Variants in S100P observed in about 807,000 individuals in gnomAD.
S100P encodes the protein S100 calcium binding protein P.
S100P carries 7 observed loss-of-function variants against 4.7 expected under a neutral mutation model. That is an observed-to-expected ratio of 1.48 (90% confidence interval 0.84 to 2.77). The LOEUF is 2.77. S100P is among the 30% of genes most tolerant of loss of function. The probability of loss-of-function intolerance (pLI) is 0.00; values close to 1 mark genes in which losing one functional copy is unlikely to be tolerated. For missense variants in S100P, 122 were observed against 120.6 expected, an observed-to-expected ratio of 1.01 and a Z score of -0.06; for synonymous variants, 48 against 49.0, an observed-to-expected ratio of 0.98 and a Z score of 0.08.
intron 1 of S100P, among the ~76,000 whole-genome samples, chr4:6,696,229 G>A (rs185698003): frequency 6.6e-6 from 1 of 152,314 alleles, no homozygotes; most frequent in Admixed American, 6.5e-5. Context: ...GGCAGGCTCT[G>A]AGAGCCCTGC....
At chr4:6,694,300 T>C (rs1714316902) in intron 1 of S100P, among the ~76,000 whole-genome samples, 1 of 152,210 alleles carries the variant, frequency 6.6e-6, no homozygotes, top group East Asian at 1.9e-4. Context: ...AGCTTGATCC[T>C]TGAAACATGG....
At position 6,693,926 on chromosome 4, in the gene S100P, T is replaced by G; in HGVS notation, c.-7T>G. On this transcript the variant is annotated 5_prime_UTR_variant, in exon 1 of 2. Coordinates refer to ENST00000296370, the MANE Select transcript of S100P (RefSeq NM_005980.3). ...CCCAGGAGGAAGGTGGGTCTGAATCTAGCACCATGACGGAACTAGAGACAG... is the reference window on the plus strand; with the variant it reads ...CCCAGGAGGAAGGTGGGTCTGAATCGAGCACCATGACGGAACTAGAGACAG... The G allele has an allele frequency of 6.2e-7, 1 of 1,614,124 alleles. No homozygotes were observed. Among genetic ancestry groups the G allele is most frequent in the Non-Finnish European group, 8.5e-7 (1 of 1,180,006 alleles).
intron 1 of S100P, among the ~76,000 whole-genome samples, chr4:6,695,434 T>C (rs1350642465): frequency 6.6e-6 from 1 of 152,214 alleles, no homozygotes; most frequent in Non-Finnish European, 1.5e-5. Context: ...TTGCTGTGAG[T>C]GAGATTTACA....
chr4:6,697,149 T>C lies in S100P; in HGVS notation c.*107T>C. On this transcript the variant is annotated 3_prime_UTR_variant, in exon 2 of 2. Coordinates refer to ENST00000296370, the MANE Select transcript of S100P (RefSeq NM_005980.3). ...GCTGAGCCTGCTCATGTACCTCTGA[T>C]TAATAAATGCTTATGAAATGATCCT... 1 of 845,146 alleles carries C rather than the reference T, an allele frequency of 1.2e-6. No homozygotes were observed. Among genetic ancestry groups the C allele is most frequent in the South Asian group, 1.8e-5 (1 of 56,636 alleles). The allele number at this position is 845,146 out of a possible 1,614,324, so 52.4% of individuals were successfully genotyped here. A position where few individuals can be genotyped will look rare whatever the true frequency, so the allele number is the denominator to read the frequency against.
At position 6,693,890 on chromosome 4, in the gene S100P, C is replaced by T; in HGVS notation, c.-43C>T. ...GGCTGCCAGTGGGACATTTTCTCGG[C>T]CCTGCCAGCCCCCAGGAGGAAGGTG... On this transcript the variant is annotated 5_prime_UTR_variant, in exon 1 of 2. Coordinates refer to ENST00000296370, the MANE Select transcript of S100P (RefSeq NM_005980.3). 6.2e-7 allele frequency: 1 copy of T among 1,613,286 alleles called. No homozygotes were observed. Among genetic ancestry groups the T allele is most frequent in the East Asian group, 2.2e-5 (1 of 44,876 alleles).
chr4:6,693,899 C>G lies in S100P; in HGVS notation c.-34C>G. 6.2e-7 allele frequency: 1 copy of G among 1,613,442 alleles called. No individual in the cohort carries two copies. The highest frequency in any genetic ancestry group is 1.3e-5 in the African/African-American group (1 of 75,046). ...TGGGACATTTTCTCGGCCCTGCCAGCCCCCAGGAGGAAGGTGGGTCTGAAT... is the reference window on the plus strand; with the variant it reads ...TGGGACATTTTCTCGGCCCTGCCAGGCCCCAGGAGGAAGGTGGGTCTGAAT... On this transcript the variant is annotated 5_prime_UTR_variant, in exon 1 of 2. Transcript: ENST00000296370.
At chr4:6,694,511 T>C (rs1714321247) in intron 1 of S100P, among the ~76,000 whole-genome samples, 1 of 152,188 alleles carries the variant, frequency 6.6e-6, no homozygotes. Flanking sequence ...CCGCTTTCCC[T>C]GCTCCCATTC....
In S100P at chr4:6,694,064, C is replaced by T. The variant is rs1457557027; in HGVS notation, c.132C>T (p.Phe44=). ...TGATGGAGAAGGAGCTACCAGGCTT[C>T]CTGCAGGTGAGCCAGGCCGGCAGTG... ...KVLMEKELPG[F]LQSGKDKDAV... Residue 44 remains phenylalanine, a synonymous_variant, in exon 1 of 2, where the codon TTC becomes TTT. Coordinates refer to ENST00000296370, the MANE Select transcript of S100P (RefSeq NM_005980.3). The T allele has an allele frequency of 6.2e-7, 1 of 1,609,860 alleles. No individual in the cohort carries two copies. Among genetic ancestry groups the T allele is most frequent in the Non-Finnish European group, 8.5e-7 (1 of 1,177,784 alleles).
Position 6,697,002 on chromosome 4 carries a change from C to T in S100P, c.248C>T (p.Ser83Phe). 1 of 1,613,930 alleles carries T rather than the reference C, an allele frequency of 6.2e-7. No homozygotes were observed. The highest frequency in any genetic ancestry group is 8.5e-7 in the Non-Finnish European group (1 of 1,179,818). Reference sequence around the variant, plus strand: ...ATAGTGTTCGTGGCTGCAATCACGTCTGCCTGTCACAAGTACTTTGAGAAG... The same window carrying T: ...ATAGTGTTCGTGGCTGCAATCACGTTTGCCTGTCACAAGTACTTTGAGAAG... ...EFIVFVAAIT[S>F]ACHKYFEKAG... Residue 83 changes from serine to phenylalanine, a missense_variant, in exon 2 of 2, where the codon TCT becomes TTT. Transcript: ENST00000296370.
chr4:6,695,705 A>G (rs1057290353), intron 1 of S100P, among the ~76,000 whole-genome samples: 6 of 152,198 alleles, frequency 3.9e-5, no homozygotes, highest in African/African-American at 1.4e-4. Flanking sequence ...TTACATTAGA[A>G]TCACCTCGGG....
chr4:6,694,219 C>T (rs1338982848), intron 1 of S100P, 149 bp downstream of exon 1: 3 of 778,450 alleles, frequency 3.9e-6, no homozygotes, highest in Middle Eastern at 7.6e-4. Context: ...GGAAGCCCAG[C>T]CAAGGAACGG....
At chr4:6,696,690 G>C (rs1714379602) in intron 1 of S100P, among the ~76,000 whole-genome samples, 2 of 152,248 alleles carry the variant, frequency 1.3e-5, no homozygotes, top group African/African-American at 2.4e-5. Flanking sequence ...GTTAGTTCAT[G>C]TCATGCCAGA....
At chr4:6,694,156 G>T in intron 1 of S100P, 86 bp downstream of exon 1, 1 of 1,348,810 alleles carries the variant, frequency 7.4e-7, no homozygotes, top group East Asian at 2.5e-5. Context: ...AGCTGCGGTG[G>T]GGTCGGCGGT....
chr4:6,696,876 G>A lies in S100P; in HGVS notation c.139-17G>A, dbSNP rs369372819. Reference sequence around the variant, plus strand: ...CAGGCACCCTCACTGCTGACCTTGAGCCTCTCTCTCCTCTAGAGTGGAAAA... The same window carrying A: ...CAGGCACCCTCACTGCTGACCTTGAACCTCTCTCTCCTCTAGAGTGGAAAA... On this transcript the variant is annotated splice_polypyrimidine_tract_variant and intron_variant, in intron 1 of 1. Transcript: ENST00000296370. The A allele has an allele frequency of 2.5e-5, 40 of 1,607,578 alleles. No individual in the cohort carries two copies. In the African/African-American group the frequency reaches 4.8e-4, roughly 19 times the overall value.
chr4:6,696,090 TG>T (rs1714366832), intron 1 of S100P, among the ~76,000 whole-genome samples: 1 of 152,228 alleles, frequency 6.6e-6, no homozygotes, highest in African/African-American at 2.4e-5. Flanking sequence ...ATTTTAATTG[TG>T]TTTCTTTCCA....
intron 1 of S100P, 35 bp downstream of exon 1, chr4:6,694,105 G>A (rs768183843): frequency 6.4e-7 from 1 of 1,571,276 alleles, no homozygotes; most frequent in South Asian, 1.2e-5. Context: ...CTCAGCGGGG[G>A]CTGGGGAAGA....
chr4:6,695,369 C>T (rs1161437510), intron 1 of S100P, among the ~76,000 whole-genome samples: 3 of 152,140 alleles, frequency 2.0e-5, no homozygotes, highest in Admixed American at 2.0e-4. Flanking sequence ...GGGAAGAAAT[C>T]CCCCCTGGAA....
chr4:6,694,540 G>C (rs1220828071), intron 1 of S100P, among the ~76,000 whole-genome samples: 1 of 152,170 alleles, frequency 6.6e-6, no homozygotes. Flanking sequence ...CTTGTTGCCT[G>C]GTATTAGTGG....
At chr4:6,694,192 A>G in intron 1 of S100P, 122 bp downstream of exon 1, 1 of 949,908 alleles carries the variant, frequency 1.1e-6, no homozygotes, top group South Asian at 1.7e-5. Context: ...CAAGAGGGAC[A>G]GATCCTGAAA....
Sources: allele counts gnomAD v4.1 joint callset (sites outside exome capture counted in the v4.1 genomes callset), GRCh38; gene constraint gnomAD v4.1.1; transcripts MANE v1.5; gene names NCBI Gene and HGNC (gene_info 2026-07-23, HGNC 2026-07-21).